The following ALK variants were observed in gnomAD, a reference collection of about 807,000 sequenced individuals.
ALK encodes the protein ALK receptor tyrosine kinase.
In ALK, 74 loss-of-function variants were observed where a neutral mutation model predicts 163.1. That is an observed-to-expected ratio of 0.45 (90% confidence interval 0.38 to 0.55). The LOEUF (loss-of-function observed/expected upper bound fraction) is 0.55, where lower values mean the gene tolerates loss of function less well. Ranked by LOEUF, ALK falls within the 20% of genes least tolerant of loss-of-function variation. The pLI, the probability that ALK is intolerant of heterozygous loss-of-function variation, is 0.00. For missense variants in ALK, 2,063 were observed against 2,105.3 expected, an observed-to-expected ratio of 0.98 and a Z score of 0.39; for synonymous variants, 960 against 843.2, an observed-to-expected ratio of 1.14 and a Z score of -2.40.
intron 1 of ALK, among the ~76,000 whole-genome samples, chr2:29,908,793 A>G (rs1667620682): frequency 6.6e-6 from 1 of 152,188 alleles, no homozygotes. Flanking sequence ...TCCAACTACT[A>G]TAACCAGCTG....
chr2:29,588,356 G>A (rs556956416), intron 3 of ALK, among the ~76,000 whole-genome samples: 1 of 152,118 alleles, frequency 6.6e-6, no homozygotes, highest in Non-Finnish European at 1.5e-5. Context: ...TCAGCCTCCC[G>A]AGTAGCTGGG....
chr2:29,906,583 A>G (rs1203768331), intron 1 of ALK, among the ~76,000 whole-genome samples: 1 of 152,174 alleles, frequency 6.6e-6, no homozygotes, highest in Non-Finnish European at 1.5e-5. Context: ...CAAGTAAAAG[A>G]CATAAGACAG....
intron 1 of ALK, among the ~76,000 whole-genome samples, chr2:29,789,031 G>A (rs1263102038): frequency 6.6e-6 from 1 of 150,748 alleles, no homozygotes; most frequent in African/African-American, 2.4e-5. Context: ...GTGTGTGTGT[G>A]TGTGTGTGTG....
At chr2:29,425,663 T>C (rs2148070405) in intron 4 of ALK, among the ~76,000 whole-genome samples, 1 of 152,208 alleles carries the variant, frequency 6.6e-6, no homozygotes, top group Middle Eastern at 3.4e-3. Flanking sequence ...TGGGCCACAA[T>C]CTCTTGCTCC....
At chr2:29,268,553 A>G (rs1665299033) in intron 11 of ALK, among the ~76,000 whole-genome samples, 1 of 152,202 alleles carries the variant, frequency 6.6e-6, no homozygotes, top group Non-Finnish European at 1.5e-5. Context: ...GGCACCCAGT[A>G]CATGCTTGTT....
intron 1 of ALK, among the ~76,000 whole-genome samples, chr2:29,912,251 A>C (rs943124848): frequency 6.6e-6 from 1 of 152,190 alleles, no homozygotes; most frequent in African/African-American, 2.4e-5. Flanking sequence ...CAAGAGTCTC[A>C]AAAAACTACA....
intron 16 of ALK, among the ~76,000 whole-genome samples, chr2:29,228,561 C>G (rs1234711874): frequency 6.6e-6 from 1 of 152,118 alleles, no homozygotes. Flanking sequence ...GCCAGGCCAT[C>G]CAAGGGAGGC....
At chr2:29,788,616 G>C (rs1329211379) in intron 1 of ALK, among the ~76,000 whole-genome samples, 1 of 152,154 alleles carries the variant, frequency 6.6e-6, no homozygotes, top group African/African-American at 2.4e-5. Context: ...CTGAATTTCT[G>C]GGAACATAGC....
intron 1 of ALK, among the ~76,000 whole-genome samples, chr2:29,893,351 C>A (rs1206939015): frequency 1.3e-5 from 2 of 152,202 alleles, no homozygotes; most frequent in Non-Finnish European, 2.9e-5. Context: ...CTCTGACTTT[C>A]TGCCATGCAG....
intron 5 of ALK, among the ~76,000 whole-genome samples, chr2:29,354,767 CTTTTTTTT>C (rs763001304): frequency 1.4e-5 from 2 of 138,490 alleles, no homozygotes; most frequent in East Asian, 4.1e-4. Context: ...TTTTCTTTTT[CTTTTTTTT>C]TTTTTTTTTG....
intron 1 of ALK, among the ~76,000 whole-genome samples, chr2:29,896,396 T>C (rs893048897): frequency 6.6e-6 from 1 of 152,168 alleles, no homozygotes; most frequent in Non-Finnish European, 1.5e-5. Context: ...CCAATGTGAC[T>C]GCATTTGGAG....
At chr2:29,819,126 A>C (rs745396794) in intron 1 of ALK, among the ~76,000 whole-genome samples, 2 of 152,228 alleles carry the variant, frequency 1.3e-5, no homozygotes, top group African/African-American at 4.8e-5. Context: ...GCCTGTTATA[A>C]ATAAAGAATC....
chr2:29,338,127 C>A (rs573272078), intron 5 of ALK, among the ~76,000 whole-genome samples: 39 of 152,186 alleles, frequency 2.6e-4, no homozygotes, highest in Admixed American at 4.6e-4. Flanking sequence ...GTTACAGAGG[C>A]CAGATCTTGG....
At chr2:29,583,400 G>A (rs368471571) in intron 3 of ALK, among the ~76,000 whole-genome samples, 5 of 152,034 alleles carry the variant, frequency 3.3e-5, no homozygotes, top group South Asian at 4.2e-4. Flanking sequence ...ACTGGTCAAT[G>A]GGGAATTTTG....
chr2:29,796,043 G>T (rs777671386), intron 1 of ALK, among the ~76,000 whole-genome samples: 7 of 152,082 alleles, frequency 4.6e-5, no homozygotes, highest in Non-Finnish European at 7.4e-5. Context: ...AGAAATAAAA[G>T]AATCATTTGT....
chr2:29,412,375 C>A (rs1669745598), intron 4 of ALK, among the ~76,000 whole-genome samples: 1 of 152,158 alleles, frequency 6.6e-6, no homozygotes, highest in African/African-American at 2.4e-5. Flanking sequence ...TATAGATATG[C>A]CTGAAAGCCC....
In ALK at chr2:29,192,816, C is replaced by T. The variant is rs2148136452; in HGVS notation, c.*408G>A. On this transcript the variant is annotated 3_prime_UTR_variant, in exon 29 of 29. Transcript: ENST00000389048. ...CTCCTTTATTTCCGTTCCCTCTCCC[C>T]TCAAATGGCTCATGTCCACATCAAC... 6.5e-6 allele frequency: 2 copies of T among 309,198 alleles called. No homozygotes were observed. The highest frequency in any genetic ancestry group is 5.0e-5 in the East Asian group (1 of 20,200). The allele number at this position is 309,198 out of a possible 1,614,324, so 19.2% of individuals were successfully genotyped here. A position where few individuals can be genotyped will look rare whatever the true frequency, so the allele number is the denominator to read the frequency against.
intron 4 of ALK, among the ~76,000 whole-genome samples, chr2:29,415,693 G>C (rs926457444): frequency 6.6e-6 from 1 of 152,192 alleles, no homozygotes; most frequent in African/African-American, 2.4e-5. Flanking sequence ...CTATGAGGGT[G>C]TTTCATAAGA....
At chr2:29,804,525 G>A (rs935945479) in intron 1 of ALK, among the ~76,000 whole-genome samples, 2 of 152,198 alleles carry the variant, frequency 1.3e-5, no homozygotes, top group Non-Finnish European at 2.9e-5. Context: ...CAGCAGATAT[G>A]GCAACACAGG....
Sources: allele counts gnomAD v4.1 joint callset (sites outside exome capture counted in the v4.1 genomes callset), GRCh38; gene constraint gnomAD v4.1.1; transcripts MANE v1.5; gene names NCBI Gene and HGNC (gene_info 2026-07-23, HGNC 2026-07-21).